Variants in PPM1B observed in about 807,000 individuals in gnomAD.
The protein encoded by PPM1B is protein phosphatase 1B.
Under a neutral mutation model 43.0 loss-of-function variants are expected in PPM1B, and 22 were observed. The observed-to-expected ratio is 0.51, with a 90% confidence interval of 0.37 to 0.73. The LOEUF (loss-of-function observed/expected upper bound fraction) is 0.73. Ranked by LOEUF, PPM1B falls within the 30% of genes least tolerant of loss-of-function variation. The pLI is 0.00. For missense variants in PPM1B, 632 were observed against 584.2 expected (o/e 1.08, Z -0.84); for synonymous variants, 217 against 197.9 (o/e 1.10, Z -0.81).
At chr2:44,178,730 A>C (rs549805272) in intron 1 of PPM1B, among the ~76,000 whole-genome samples, 1 of 152,172 alleles carries the variant, frequency 6.6e-6, no homozygotes, top group African/African-American at 2.4e-5. Flanking sequence ...ATGGCCTCCC[A>C]AAGTGCTGGG....
downstream of PPM1B, chr2:44,232,475 C>T (rs575891570): frequency 6.5e-7 from 1 of 1,527,376 alleles, no homozygotes; most frequent in Admixed American, 2.3e-5. Context: ...AGCAGAAAAT[C>T]ATTAGCATTT....
chr2:44,236,697 C>T (rs1351276216), downstream of PPM1B, among the ~76,000 whole-genome samples: 3 of 152,284 alleles, frequency 2.0e-5, no homozygotes, highest in South Asian at 2.1e-4. Context: ...CTTTATCCAG[C>T]TTCAATACTT....
chr2:44,234,500 A>G, downstream of PPM1B: 1 of 949,164 alleles, frequency 1.1e-6, no homozygotes, highest in Non-Finnish European at 1.2e-6. Context: ...GCCTGGCGAC[A>G]GAGCGAGACT....
At chr2:44,225,106 T>G (rs1359340419) in intron 5 of PPM1B, among the ~76,000 whole-genome samples, 2 of 152,194 alleles carry the variant, frequency 1.3e-5, no homozygotes, top group South Asian at 4.1e-4. Context: ...TCATCACTTA[T>G]AAAAATGATA....
At chr2:44,198,064 G>T (rs1370290513) in intron 1 of PPM1B, among the ~76,000 whole-genome samples, 1 of 152,174 alleles carries the variant, frequency 6.6e-6, no homozygotes, top group Non-Finnish European at 1.5e-5. Flanking sequence ...AGCCACGCTT[G>T]CCAATGTCCA....
At chr2:44,185,375 A>G (rs1282702720) in intron 1 of PPM1B, among the ~76,000 whole-genome samples, 12 of 152,170 alleles carry the variant, frequency 7.9e-5, no homozygotes, top group Admixed American at 7.9e-4. Context: ...TACTTTTCAT[A>G]GGTCTGCATG....
At chr2:44,225,611 C>T (rs1337825926) in intron 5 of PPM1B, among the ~76,000 whole-genome samples, 2 of 152,096 alleles carry the variant, frequency 1.3e-5, no homozygotes, top group African/African-American at 2.4e-5. Context: ...ATTGCAAATC[C>T]GTGTCTACTT....
At chr2:44,245,445 C>T (rs547541956), downstream of PPM1B, among the ~76,000 whole-genome samples, 72 of 152,204 alleles carry the variant, frequency 4.7e-4, no homozygotes, top group African/African-American at 1.6e-3. Context: ...TATTAACCCT[C>T]GGGGCTATGA....
rs1670441549 is a variant in PPM1B, at chr2:44,230,848, GT to G, written c.*136del. 7.0e-7 allele frequency: 1 copy of G among 1,434,600 alleles called. No homozygotes were observed. Among genetic ancestry groups the G allele is most frequent in the Non-Finnish European group, 9.2e-7 (1 of 1,088,864 alleles). The allele number at this position is 1,434,600 out of a possible 1,614,324, so 88.9% of individuals were successfully genotyped here. On this transcript the variant is annotated 3_prime_UTR_variant, in exon 6 of 6. Transcript: ENST00000282412. ...AGTTTTATTATATTCAGATAGCCTT[GT>G]TTTTTAAAAAGGCCTTTGCATACAC...
chr2:44,215,399 A>T lies in PPM1B; in HGVS notation c.965-2568A>T, dbSNP rs560211920. On this transcript the variant is annotated intron_variant, in intron 3 of 5. Coordinates refer to ENST00000282412, the MANE Select transcript of PPM1B (RefSeq NM_002706.6). ...CTTGAGTCCAGGAGTTTGGTGTTAC[A>T]GTGAGCTATGATGGCACCACTGCAC... Among the ~76,000 whole-genome samples, 5 of 152,278 alleles carry T rather than the reference A, an allele frequency of 3.3e-5. No individual in the cohort carries two copies. The South Asian group carries it at 1.0e-3, about 32-fold the overall frequency.
At chr2:44,242,598 GT>G (rs1387290140) in intron 5 of PPM1B, among the ~76,000 whole-genome samples, 1 of 152,174 alleles carries the variant, frequency 6.6e-6, no homozygotes, top group Admixed American at 6.5e-5. Context: ...GAGTAGCTAT[GT>G]TTTTCACTTT....
intron 2 of PPM1B, among the ~76,000 whole-genome samples, chr2:44,202,659 A>G (rs1668995201): frequency 1.3e-5 from 2 of 152,212 alleles, no homozygotes; most frequent in South Asian, 2.1e-4. Context: ...TTCTTTTCAT[A>G]TAGATGTTTT....
intron 1 of PPM1B, among the ~76,000 whole-genome samples, chr2:44,199,310 A>AT (rs1230938434): frequency 2.2e-5 from 3 of 135,630 alleles, no homozygotes; most frequent in African/African-American, 9.0e-5. Flanking sequence ...TCTCAAAAAA[A>AT]AAAAAAATAA....
intron 1 of PPM1B, among the ~76,000 whole-genome samples, chr2:44,184,743 C>G (rs1381075052): frequency 6.6e-6 from 1 of 151,962 alleles, no homozygotes; most frequent in Non-Finnish European, 1.5e-5. Context: ...CCCACAGACC[C>G]ACATAGGGAT....
downstream of PPM1B, chr2:44,234,253 G>T: frequency 1.0e-6 from 1 of 966,114 alleles, no homozygotes; most frequent in Non-Finnish European, 1.2e-6. Flanking sequence ...GGGTGCATTG[G>T]CTCACACCTG....
intron 1 of PPM1B, among the ~76,000 whole-genome samples, chr2:44,182,911 C>A (rs748775253): frequency 1.3e-5 from 2 of 152,034 alleles, no homozygotes; most frequent in Non-Finnish European, 2.9e-5. Flanking sequence ...GCATTTATTT[C>A]AGAGTTTATG....
chr2:44,239,324 A>T (rs1183269463), downstream of PPM1B, among the ~76,000 whole-genome samples: 1 of 151,936 alleles, frequency 6.6e-6, no homozygotes, highest in Non-Finnish European at 1.5e-5. Context: ...TGCTCACACC[A>T]CTTGTCCATT....
At chr2:44,244,361 T>C in exon 6 of PPM1B, 1 of 1,356,540 alleles carries the variant, frequency 7.4e-7, no homozygotes, top group Non-Finnish European at 9.8e-7. Context: ...GAACGAAAAA[T>C]AAACCCAGCA....
chr2:44,231,912 A>G (rs1437619623), downstream of PPM1B, among the ~76,000 whole-genome samples: 1 of 152,226 alleles, frequency 6.6e-6, no homozygotes, highest in Non-Finnish European at 1.5e-5. Flanking sequence ...TTTTTTAAAA[A>G]TTATTTTATA....
Sources: gnomAD v4.1 joint callset for allele counts (sites outside exome capture counted in the v4.1 genomes callset) on GRCh38, gnomAD v4.1.1 for gene constraint, MANE v1.5 for transcripts, NCBI Gene and HGNC (gene_info 2026-07-23, HGNC 2026-07-21) for gene names.